FBXL20: variants seen among roughly 807,000 people sequenced by gnomAD.
The protein encoded by FBXL20 is F-box and leucine rich repeat protein 20, also known as F-box/LRR-repeat protein 20.
A neutral mutation model predicts 64.0 loss-of-function variants in FBXL20; 11 were observed. That is an observed-to-expected ratio of 0.17 (90% confidence interval 0.11 to 0.28). The LOEUF is 0.28. Among genes scored for constraint, FBXL20 ranks in the 10% least tolerant of loss-of-function variants. The probability of loss-of-function intolerance (pLI) is 1.00; values close to 1 mark genes in which losing one functional copy is unlikely to be tolerated. For missense variants in FBXL20, 303 were observed against 526.2 expected (o/e 0.58, Z 4.15); for synonymous variants, 184 against 189.0 (o/e 0.97, Z 0.22).
intron 1 of FBXL20, among the ~76,000 whole-genome samples, chr17:39,373,738 G>C (rs1034274808): frequency 6.6e-6 from 1 of 152,144 alleles, no homozygotes; most frequent in African/African-American, 2.4e-5. Flanking sequence ...CTAGGCTGTA[G>C]TTTCCGGAAA....
At chr17:39,364,465 T>G (rs538293828) in intron 1 of FBXL20, among the ~76,000 whole-genome samples, 81 of 152,178 alleles carry the variant, frequency 5.3e-4, no homozygotes, top group South Asian at 2.9e-3. Flanking sequence ...AAAAATTATC[T>G]GGGCGTGGTG....
intron 2 of FBXL20, among the ~76,000 whole-genome samples, chr17:39,326,516 A>G (rs2047409977): frequency 6.6e-6 from 1 of 151,866 alleles, no homozygotes; most frequent in African/African-American, 2.4e-5. Context: ...AGCTACTAGG[A>G]GGGCTGAGGT....
At chr17:39,362,594 A>C (rs1238718304) in intron 1 of FBXL20, among the ~76,000 whole-genome samples, 4 of 150,576 alleles carry the variant, frequency 2.7e-5, no homozygotes, top group African/African-American at 9.8e-5. Context: ...AAGTGCTGGG[A>C]TTACAGGCGT....
At chr17:39,265,924 T>C (rs2046787417) in intron 12 of FBXL20, among the ~76,000 whole-genome samples, 1 of 151,974 alleles carries the variant, frequency 6.6e-6, no homozygotes, top group African/African-American at 2.4e-5. Context: ...AAACTTTTTC[T>C]TGGGCAGAAA....
intron 9 of FBXL20, among the ~76,000 whole-genome samples, chr17:39,279,758 T>C (rs1320194481): frequency 1.3e-5 from 2 of 151,210 alleles, no homozygotes; most frequent in Non-Finnish European, 2.9e-5. Context: ...ATTAGCTGAG[T>C]GTGGTGGCAC....
In FBXL20 at chr17:39,386,642, AT is replaced by A. The variant is rs199721725; in HGVS notation, c.42+14718del. Reference sequence around the variant, plus strand: ...CCGTCTCAAAAAATAATAATAATAAATTTTTTTTTGCTTAGACCTCTATCTT... The same window carrying A: ...CCGTCTCAAAAAATAATAATAATAAATTTTTTTTGCTTAGACCTCTATCTT... On this transcript the variant is annotated intron_variant, in intron 1 of 14. Transcript: ENST00000264658. Among the ~76,000 whole-genome samples the A allele has an allele frequency of 5.5e-3, 838 of 151,656 alleles. 8 individuals carry two copies. Among genetic ancestry groups the A allele is most frequent in the African/African-American group, 0.02 (807 of 41,352 alleles).
chr17:39,382,349 A>G (rs1022970605), intron 1 of FBXL20, among the ~76,000 whole-genome samples: 3 of 150,100 alleles, frequency 2.0e-5, no homozygotes, highest in African/African-American at 4.9e-5. Context: ...AGGCTGAGGA[A>G]GGAGAATGGC....
chr17:39,296,523 GCAGTC>G (rs1279441760), intron 6 of FBXL20, among the ~76,000 whole-genome samples: 16 of 138,264 alleles, frequency 1.2e-4, no homozygotes, highest in African/African-American at 4.2e-4. Context: ...TTGCGCCACT[GCAGTC>G]CAGCCTGGGC....
Position 39,268,882 on chromosome 17 carries a change from C to A in FBXL20, c.889-11G>T. 6.2e-7 allele frequency: 1 copy of A among 1,612,184 alleles called. No homozygotes were observed. The highest frequency in any genetic ancestry group is 1.7e-5 in the Admixed American group (1 of 59,944). ...AAGTTCATGGCAATTCTACAAAGTA[C>A]AAAAACAAACACAAACATTACAGTA... On this transcript the variant is annotated splice_polypyrimidine_tract_variant and intron_variant, in intron 11 of 14. Transcript: ENST00000264658.
At chr17:39,397,225 T>C (rs1041809482) in intron 1 of FBXL20, among the ~76,000 whole-genome samples, 6 of 152,074 alleles carry the variant, frequency 3.9e-5, no homozygotes, top group African/African-American at 1.4e-4. Context: ...TTACTTTGGA[T>C]AAAATGAAGC....
At chr17:39,316,045 T>C (rs927427549) in intron 2 of FBXL20, among the ~76,000 whole-genome samples, 17 of 151,986 alleles carry the variant, frequency 1.1e-4, no homozygotes, top group Admixed American at 2.6e-4. Flanking sequence ...GATCATGCCA[T>C]TGCAGTCTAG....
At chr17:39,380,720 T>G (rs1467755954) in intron 1 of FBXL20, among the ~76,000 whole-genome samples, 1 of 152,214 alleles carries the variant, frequency 6.6e-6, no homozygotes, top group Admixed American at 6.5e-5. Context: ...AGAGCAGGAC[T>G]TTTTGTCCAC....
At chr17:39,402,270 G>GCCGCCGC (rs147479461), upstream of FBXL20, 23 of 1,221,694 alleles carry the variant, frequency 1.9e-5, no homozygotes, top group Non-Finnish European at 2.1e-5. Context: ...GGCTGCCGCC[G>GCCGCCGC]CGCCTCCGCG....
chr17:39,264,511 G>T, intron 13 of FBXL20, 124 bp from the exon 14 acceptor site: 1 of 965,180 alleles, frequency 1.0e-6, no homozygotes, highest in South Asian at 1.7e-5. Flanking sequence ...GCTGGCACTA[G>T]ATCCACGTGG....
chr17:39,386,437 C>T lies in FBXL20; in HGVS notation c.42+14924G>A, dbSNP rs546740117. Among the ~76,000 whole-genome samples the T allele has an allele frequency of 1.4e-4, 21 of 152,142 alleles. No individual in the cohort carries two copies. The South Asian group carries it at 4.4e-3, about 32-fold the overall frequency. On this transcript the variant is annotated intron_variant, in intron 1 of 14. Transcript: ENST00000264658. ...TTGTGGTCAGGAGTTCGAGACCAGC[C>T]TGAGCAACACAGTGAGTCTCTACAA...
chr17:39,369,773 C>T (rs890512689), intron 1 of FBXL20, among the ~76,000 whole-genome samples: 2 of 152,134 alleles, frequency 1.3e-5, no homozygotes, highest in Non-Finnish European at 2.9e-5. Context: ...GTAGCTGGGA[C>T]CACAGGCATG....
At chr17:39,270,128 C>T (rs2046830481) in intron 11 of FBXL20, among the ~76,000 whole-genome samples, 2 of 152,142 alleles carry the variant, frequency 1.3e-5, no homozygotes, top group African/African-American at 4.8e-5. Flanking sequence ...CATTTAGAAC[C>T]AGACATGTGT....
At chr17:39,274,853 T>G in intron 10 of FBXL20, 117 bp downstream of exon 10, 3 of 1,360,396 alleles carry the variant, frequency 2.2e-6, no homozygotes, top group South Asian at 2.6e-5. Context: ...AGGGACTACC[T>G]TAAAATTTCA....
chr17:39,266,114 G>A (rs2046789969), intron 12 of FBXL20, among the ~76,000 whole-genome samples: 1 of 144,406 alleles, frequency 6.9e-6, no homozygotes, highest in Non-Finnish European at 1.5e-5. Context: ...TGTTGCTCAG[G>A]GTGGAGTGCA....
Sources: gnomAD v4.1 joint callset for allele counts (sites outside exome capture counted in the v4.1 genomes callset) on GRCh38, gnomAD v4.1.1 for gene constraint, MANE v1.5 for transcripts, NCBI Gene and HGNC (gene_info 2026-07-23, HGNC 2026-07-21) for gene names.